ZDHHC20: variants seen among roughly 807,000 people sequenced by gnomAD.
ZDHHC20 encodes palmitoyltransferase ZDHHC20.
A neutral mutation model predicts 57.8 loss-of-function variants in ZDHHC20; 43 were observed. The ratio of observed to expected loss-of-function variants is 0.74; its 90% CI spans 0.58 to 0.96. The LOEUF is 0.96. Ranked by LOEUF, ZDHHC20 falls within the 40% of genes least tolerant of loss-of-function variation. ZDHHC20 has a pLI of 0.00. For synonymous variants in ZDHHC20, 157 were observed against 153.0 expected (o/e 1.03, Z -0.19); for missense variants, 391 against 441.1 (o/e 0.89, Z 1.02).
chr13:21,374,445 G>C lies in ZDHHC20; in HGVS notation c.*2251C>G. On this transcript the variant is annotated 3_prime_UTR_variant, in exon 13 of 13. Transcript: ENST00000400590. ...AGACAGGGTTTTGCCATTTTGACCA[G>C]GCTAATCTCGAACCCCTGACCTCAG... 1 of 455,544 alleles carries C rather than the reference G, an allele frequency of 2.2e-6. No individual in the cohort carries two copies. Among genetic ancestry groups the C allele is most frequent in the Non-Finnish European group, 4.4e-6 (1 of 226,570 alleles). The allele number at this position is 455,544 out of a possible 1,614,324, so 28.2% of individuals were successfully genotyped here.
At chr13:21,405,733 T>G (rs1364245393) in intron 4 of ZDHHC20, among the ~76,000 whole-genome samples, 2 of 152,226 alleles carry the variant, frequency 1.3e-5, no homozygotes, top group African/African-American at 4.8e-5. Context: ...CTTAAAATTA[T>G]TTAGTCCATT....
rs1320883000 is a variant in ZDHHC20, at chr13:21,372,838, ATCTTT to A, written c.*3853_*3857del. 6.6e-6 allele frequency: 1 copy of A among 152,056 alleles called. No homozygotes were observed. The allele number at this position is 152,056 out of a possible 1,614,324, so 9.4% of individuals were successfully genotyped here. On this transcript the variant is annotated 3_prime_UTR_variant, in exon 13 of 13. Coordinates refer to ENST00000400590, the MANE Select transcript of ZDHHC20 (RefSeq NM_001330059.2). Reference sequence around the variant, plus strand: ...TAAAGCTCACTTTAAAATAGTGTCCATCTTTTCTTTTAAACGGGCATAGACTCATT... The same window carrying A: ...TAAAGCTCACTTTAAAATAGTGTCCATCTTTTAAACGGGCATAGACTCATT...
chr13:21,454,402 G>A (rs1884733954), intron 1 of ZDHHC20, among the ~76,000 whole-genome samples: 1 of 152,180 alleles, frequency 6.6e-6, no homozygotes, highest in South Asian at 2.1e-4. Flanking sequence ...TGGTAGTACA[G>A]AGGTGAGCCA....
At chr13:21,428,265 G>C (rs1881509860) in intron 1 of ZDHHC20, among the ~76,000 whole-genome samples, 1 of 152,036 alleles carries the variant, frequency 6.6e-6, no homozygotes, top group Admixed American at 6.5e-5. Flanking sequence ...CTGTCACCCA[G>C]GCTGGAGTAA....
chr13:21,450,029 A>C (rs1884297016), intron 1 of ZDHHC20, among the ~76,000 whole-genome samples: 1 of 152,170 alleles, frequency 6.6e-6, no homozygotes. Context: ...AGTGGTGAGA[A>C]GCAGCTGGAT....
chr13:21,444,793 T>C (rs899411129), intron 1 of ZDHHC20, among the ~76,000 whole-genome samples: 1 of 152,182 alleles, frequency 6.6e-6, no homozygotes, highest in Non-Finnish European at 1.5e-5. Flanking sequence ...CAGTGGCTGA[T>C]GTCTTCAATC....
At chr13:21,448,356 C>G (rs1443643944) in intron 1 of ZDHHC20, among the ~76,000 whole-genome samples, 1 of 106,086 alleles carries the variant, frequency 9.4e-6, no homozygotes, top group African/African-American at 3.2e-5. Flanking sequence ...CCGCCCCGTC[C>G]GGGAGGGAGG....
intron 1 of ZDHHC20, among the ~76,000 whole-genome samples, chr13:21,433,229 A>G (rs774468130): frequency 1.3e-5 from 2 of 152,082 alleles, no homozygotes; most frequent in African/African-American, 2.4e-5. Context: ...CCAAGTAGCT[A>G]GGACTATAGG....
In ZDHHC20 at chr13:21,421,111, A is replaced by C; in HGVS notation, c.199T>G (p.Trp67Gly). Residue 67 changes from tryptophan to glycine, a missense_variant, in exon 3 of 13, where the codon TGG becomes GGG. Coordinates refer to ENST00000400590, the MANE Select transcript of ZDHHC20 (RefSeq NM_001330059.2). ...AFHLFFVMFV[W>G]SYWMTIFTSP... ...GTGAAAATTGTCATCCAATAGGACC[A>C]TACAAACATAACAAAGAACAGATGG... 1 of 1,613,406 alleles carries C rather than the reference A, an allele frequency of 6.2e-7. No individual in the cohort carries two copies.
At chr13:21,396,605 G>T (rs1566075468) in intron 7 of ZDHHC20, among the ~76,000 whole-genome samples, 1 of 152,180 alleles carries the variant, frequency 6.6e-6, no homozygotes, top group Admixed American at 6.5e-5. Context: ...GGCCGAGGTG[G>T]GTGGATCACC....
Position 21,401,676 on chromosome 13 carries a change from A to C in ZDHHC20, c.450T>G (p.Leu150=). Residue 150 remains leucine (L), a synonymous_variant, in exon 6 of 13, where the codon CTT becomes CTG. Transcript: ENST00000400590. ...ACCAAGGACAGTGATGATCCATCTT[A>C]AGAATACATCTAGGAAACAAACAAG... is the stretch of plus-strand genomic sequence containing the variant. ...HHCSACDSCI[L]KMDHHCPWVN... is the part of the protein sequence containing the mutation. 6.5e-7 allele frequency: 1 copy of C among 1,528,584 alleles called. No individual in the cohort carries two copies. Among genetic ancestry groups the C allele is most frequent in the Non-Finnish European group, 8.8e-7 (1 of 1,140,414 alleles). 94.7% of individuals were successfully genotyped at this position (1,528,584 alleles called of 1,614,324 possible).
At chr13:21,453,411 G>T (rs1884638567) in intron 1 of ZDHHC20, among the ~76,000 whole-genome samples, 1 of 152,194 alleles carries the variant, frequency 6.6e-6, no homozygotes, top group Non-Finnish European at 1.5e-5. Context: ...CAAGAAAATA[G>T]AGGACTTGAA....
chr13:21,388,113 G>T (rs763281438), intron 8 of ZDHHC20, among the ~76,000 whole-genome samples: 25 of 152,226 alleles, frequency 1.6e-4, no homozygotes, highest in Middle Eastern at 3.4e-3. Context: ...GAGCACAGAG[G>T]TGAAGGAAGC....
chr13:21,454,960 G>T (rs1309062798), intron 1 of ZDHHC20, among the ~76,000 whole-genome samples: 1 of 151,888 alleles, frequency 6.6e-6, no homozygotes, highest in Non-Finnish European at 1.5e-5. Flanking sequence ...TCGCTCTGTC[G>T]CCCAGGCTGG....
At chr13:21,442,741 C>T (rs909121523) in intron 1 of ZDHHC20, among the ~76,000 whole-genome samples, 5 of 151,638 alleles carry the variant, frequency 3.3e-5, no homozygotes, top group South Asian at 4.2e-4. Flanking sequence ...GACGACAGAG[C>T]GAGACTCTAT....
At chr13:21,413,908 G>A in intron 3 of ZDHHC20, 136 bp from the exon 4 acceptor site, 1 of 520,952 alleles carries the variant, frequency 1.9e-6, no homozygotes, top group South Asian at 2.5e-5. Context: ...AAAAAAAGCA[G>A]ATAAATCAAG....
intron 4 of ZDHHC20, among the ~76,000 whole-genome samples, 162 bp downstream of exon 4, chr13:21,413,490 G>A (rs551208513): frequency 3.0e-5 from 2 of 66,908 alleles, no homozygotes; most frequent in Non-Finnish European, 6.7e-5. Context: ...ATCTATTTCT[G>A]CATCTGAAAT....
intron 9 of ZDHHC20, among the ~76,000 whole-genome samples, chr13:21,383,721 A>G (rs537402676): frequency 6.6e-6 from 1 of 152,264 alleles, no homozygotes; most frequent in East Asian, 1.9e-4. Context: ...TATTTATTCA[A>G]CAATATTCAT....
chr13:21,435,951 T>A (rs1882499518), intron 1 of ZDHHC20, among the ~76,000 whole-genome samples: 1 of 152,172 alleles, frequency 6.6e-6, no homozygotes, highest in Non-Finnish European at 1.5e-5. Context: ...TGCAATATAG[T>A]CCTGGCTTCA....
Sources: allele counts gnomAD v4.1 joint callset (sites outside exome capture counted in the v4.1 genomes callset), GRCh38; gene constraint gnomAD v4.1.1; transcripts MANE v1.5; gene names NCBI Gene and HGNC (gene_info 2026-07-23, HGNC 2026-07-21).